The following TMEM132C variants were observed in gnomAD, a reference collection of about 807,000 sequenced individuals.
TMEM132C encodes the protein transmembrane protein 132C.
TMEM132C carries 29 observed loss-of-function variants against 61.4 expected under a neutral mutation model. The ratio of observed to expected loss-of-function variants is 0.47; its 90% CI spans 0.35 to 0.64. The LOEUF is 0.64. Among genes scored for constraint, TMEM132C ranks in the 30% least tolerant of loss-of-function variants. The pLI is 0.00. For synonymous variants in TMEM132C, 656 were observed against 633.1 expected, an observed-to-expected ratio of 1.04 and a Z score of -0.54; for missense variants, 1,408 against 1,476.9, an observed-to-expected ratio of 0.95 and a Z score of 0.76.
At chr12:128,516,099 CA>C (rs1872709103) in intron 2 of TMEM132C, among the ~76,000 whole-genome samples, 2 of 152,228 alleles carry the variant, frequency 1.3e-5, no homozygotes, top group African/African-American at 4.8e-5. Context: ...GGCCTGATGC[CA>C]CAACAAGTAG....
chr12:128,451,552 T>G (rs1870175712), intron 2 of TMEM132C, among the ~76,000 whole-genome samples: 1 of 152,254 alleles, frequency 6.6e-6, no homozygotes, highest in African/African-American at 2.4e-5. Flanking sequence ...CACTCATTTT[T>G]CATGAGACCT....
chr12:128,601,221 GTCC>G (rs1593115551), intron 3 of TMEM132C, among the ~76,000 whole-genome samples: 1 of 152,166 alleles, frequency 6.6e-6, no homozygotes, highest in East Asian at 1.9e-4. Flanking sequence ...GGATGCGTCT[GTCC>G]TCCTCTCCAG....
At chr12:128,397,114 C>T (rs58188546) in intron 1 of TMEM132C, among the ~76,000 whole-genome samples, 2,576 of 152,274 alleles carry the variant, frequency 0.017, 74 homozygotes, top group African/African-American at 0.059. Flanking sequence ...CTCCCCACAG[C>T]CTCACTGGCC....
chr12:128,387,140 C>CAAAAA (rs34160455), intron 1 of TMEM132C, among the ~76,000 whole-genome samples: 76 of 85,436 alleles, frequency 8.9e-4, no homozygotes, highest in Middle Eastern at 6.5e-3. Flanking sequence ...GACTCTGCCT[C>CAAAAA]AAAAAAAAAA....
intron 4 of TMEM132C, among the ~76,000 whole-genome samples, chr12:128,633,520 T>C (rs1209784565): frequency 3.3e-5 from 5 of 152,192 alleles, no homozygotes; most frequent in Non-Finnish European, 5.9e-5. Context: ...ACTTTTCAGT[T>C]TTAATTTCTA....
At chr12:128,569,284 G>A (rs1444553540) in intron 3 of TMEM132C, among the ~76,000 whole-genome samples, 5 of 152,220 alleles carry the variant, frequency 3.3e-5, no homozygotes, top group Non-Finnish European at 7.3e-5. Flanking sequence ...TAAGGTCAGA[G>A]AGAGAAGCAG....
At chr12:128,336,460 G>T (rs1165349306) in intron 1 of TMEM132C, among the ~76,000 whole-genome samples, 1 of 152,110 alleles carries the variant, frequency 6.6e-6, no homozygotes, top group East Asian at 1.9e-4. Context: ...TCCCAGCTGG[G>T]ACTCTATATT....
chr12:128,684,281 T>C (rs1056762893), intron 5 of TMEM132C, among the ~76,000 whole-genome samples: 1 of 151,502 alleles, frequency 6.6e-6, no homozygotes. Context: ...AAAGTATTGG[T>C]TGAAAGAAAG....
intron 1 of TMEM132C, among the ~76,000 whole-genome samples, chr12:128,352,740 T>G (rs1873379529): frequency 6.6e-6 from 1 of 152,196 alleles, no homozygotes; most frequent in South Asian, 2.1e-4. Context: ...GGGAGTCTAA[T>G]AGTTCACAGC....
At position 128,387,115 on chromosome 12, in the gene TMEM132C, T is replaced by G. The variant is rs187397665; in HGVS notation, c.86-27617T>G. ...GTGAATGTACCACTGTACTGCAGCCTGGGTAACAGAGCAAGACTCTGCCTC... is the reference window on the plus strand; with the variant it reads ...GTGAATGTACCACTGTACTGCAGCCGGGGTAACAGAGCAAGACTCTGCCTC... On this transcript the variant is annotated intron_variant, in intron 1 of 8. Coordinates refer to ENST00000435159, the MANE Select transcript of TMEM132C (RefSeq NM_001136103.3). Among the ~76,000 whole-genome samples the G allele has an allele frequency of 3.2e-5, 4 of 123,802 alleles. No homozygotes were observed. The East Asian group carries it at 9.6e-4, about 30-fold the overall frequency. The allele number at this position is 123,802 out of a possible 152,430, so 81.2% of individuals were successfully genotyped here.
chr12:128,325,908 C>T (rs1428565662), intron 1 of TMEM132C, among the ~76,000 whole-genome samples: 1 of 152,102 alleles, frequency 6.6e-6, no homozygotes, highest in African/African-American at 2.4e-5. Context: ...AGTGCAGGTT[C>T]TGCGGTGGTA....
At chr12:128,685,548 G>A (rs187007960) in intron 5 of TMEM132C, among the ~76,000 whole-genome samples, 16 of 152,274 alleles carry the variant, frequency 1.1e-4, no homozygotes, top group Admixed American at 3.9e-4. Flanking sequence ...AAGTTCCAAC[G>A]ACTAGCAGAA....
intron 1 of TMEM132C, among the ~76,000 whole-genome samples, chr12:128,388,026 C>T (rs115894675): frequency 0.02 from 3,006 of 152,324 alleles, 84 homozygotes; most frequent in African/African-American, 0.068. Flanking sequence ...CCGGCAGGTT[C>T]CTGTATGGGT....
At chr12:128,635,578 A>G (rs1240095228) in intron 4 of TMEM132C, among the ~76,000 whole-genome samples, 1 of 151,576 alleles carries the variant, frequency 6.6e-6, no homozygotes, top group Non-Finnish European at 1.5e-5. Context: ...AAGCACACAT[A>G]TGGGAGAGTT....
chr12:128,491,184 C>A (rs190867154), intron 2 of TMEM132C, among the ~76,000 whole-genome samples: 56 of 152,258 alleles, frequency 3.7e-4, no homozygotes, highest in African/African-American at 1.3e-3. Flanking sequence ...ACTGCAGGGA[C>A]ATTTGTTATC....
chr12:128,593,170 TTC>T (rs1875818745), intron 3 of TMEM132C, among the ~76,000 whole-genome samples: 1 of 147,428 alleles, frequency 6.8e-6, no homozygotes, highest in Non-Finnish European at 1.5e-5. Context: ...TTCCCTCTCT[TTC>T]TCTCTCTTCC....
chr12:128,705,419 C>G lies in TMEM132C; in HGVS notation c.2451C>G (p.Ile817Met). The G allele has an allele frequency of 6.4e-7, 1 of 1,551,000 alleles. No homozygotes were observed. Among genetic ancestry groups the G allele is most frequent in the Non-Finnish European group, 8.7e-7 (1 of 1,146,968 alleles). Residue 817 changes from isoleucine to methionine, a missense_variant, in exon 9 of 9, where the codon ATC becomes ATG. Transcript: ENST00000435159. Reference sequence around the variant, plus strand: ...GCGGGGACTATGAGGAAGATGAGATCAAGAACCACGCCAGCGACCGCCGGC... The same window carrying G: ...GCGGGGACTATGAGGAAGATGAGATGAAGAACCACGCCAGCGACCGCCGGC... ...SPGGDYEEDEIKNHASDRRQK... is the reference protein window; with the variant it reads ...SPGGDYEEDEMKNHASDRRQK...
At position 128,601,417 on chromosome 12, in the gene TMEM132C, T is replaced by G. The variant is rs373779103; in HGVS notation, c.1122-14735T>G. Among the ~76,000 whole-genome samples the G allele has an allele frequency of 4.6e-5, 7 of 152,334 alleles. No individual in the cohort carries two copies. In the East Asian group the frequency reaches 1.4e-3, roughly 29 times the overall value. On this transcript the variant is annotated intron_variant, in intron 3 of 8. Transcript: ENST00000435159. Reference sequence around the variant, plus strand: ...AGTGCTGTGATGTATCACGAGGCGATCACGGGGAGTAGAACGGTGTCCTTG... The same window carrying G: ...AGTGCTGTGATGTATCACGAGGCGAGCACGGGGAGTAGAACGGTGTCCTTG...
chr12:128,347,703 C>T (rs1873212578), intron 1 of TMEM132C, among the ~76,000 whole-genome samples: 2 of 152,242 alleles, frequency 1.3e-5, no homozygotes, highest in African/African-American at 2.4e-5. Flanking sequence ...GCTGGGATTA[C>T]AGGCGTGAGC....
Sources: gnomAD v4.1 joint callset for allele counts (sites outside exome capture counted in the v4.1 genomes callset) on GRCh38, gnomAD v4.1.1 for gene constraint, MANE v1.5 for transcripts, NCBI Gene and HGNC (gene_info 2026-07-23, HGNC 2026-07-21) for gene names.